The following FHAD1 variants were observed in gnomAD, a reference collection of about 807,000 sequenced individuals.
FHAD1 encodes forkhead associated phosphopeptide binding domain 1, also known as forkhead-associated domain-containing protein 1.
In FHAD1, 146 loss-of-function variants were observed where a neutral mutation model predicts 191.3. The ratio of observed to expected loss-of-function variants is 0.76; its 90% CI spans 0.67 to 0.88. FHAD1 has a LOEUF of 0.88. Among genes scored for constraint, FHAD1 ranks in the 40% least tolerant of loss-of-function variants. The pLI, the probability that FHAD1 is intolerant of heterozygous loss-of-function variation, is 0.00. For missense variants in FHAD1, 1,635 were observed against 1,785.8 expected (o/e 0.92, Z 1.52); for synonymous variants, 616 against 672.3 (o/e 0.92, Z 1.29).
intron 3 of FHAD1, chr1:15,286,989 T>C (rs909699708): frequency 6.6e-6 from 1 of 152,290 alleles, no homozygotes; most frequent in Non-Finnish European, 1.5e-5. Flanking sequence ...CCCGCTGTCA[T>C]CTTCAGCCCA....
chr1:15,323,625 C>G (rs752554435), intron 10 of FHAD1, among the ~76,000 whole-genome samples: 1 of 152,166 alleles, frequency 6.6e-6, no homozygotes, highest in Non-Finnish European at 1.5e-5. Context: ...GAGTTTGTCT[C>G]ATTTCCTGCA....
intron 31 of FHAD1, among the ~76,000 whole-genome samples, chr1:15,386,755 G>C (rs1470490485): frequency 6.6e-6 from 1 of 152,104 alleles, no homozygotes; most frequent in Non-Finnish European, 1.5e-5. Flanking sequence ...TAACCCACAG[G>C]AGTCAATCCC....
At chr1:15,371,698 C>T (rs765817050) in intron 26 of FHAD1, among the ~76,000 whole-genome samples, 8 of 152,138 alleles carry the variant, frequency 5.3e-5, no homozygotes, top group East Asian at 1.9e-4. Flanking sequence ...TGTTTACTGC[C>T]GGGGCAAACA....
intron 18 of FHAD1, 84 bp downstream of exon 18, chr1:15,345,607 G>A: frequency 9.1e-7 from 1 of 1,099,798 alleles, no homozygotes; most frequent in East Asian, 2.6e-5. Flanking sequence ...GATGATGGGG[G>A]TGAGATCGTG....
intron 3 of FHAD1, among the ~76,000 whole-genome samples, chr1:15,275,450 G>T (rs980705123): frequency 5.3e-5 from 8 of 152,170 alleles, no homozygotes; most frequent in African/African-American, 1.7e-4. Flanking sequence ...CTCTGTCCCT[G>T]CCAGGTTTTC....
intron 31 of FHAD1, chr1:15,383,798 A>G (rs1209441380): frequency 5.0e-6 from 2 of 398,302 alleles, no homozygotes; most frequent in Non-Finnish European, 1.0e-5. Context: ...GATGATCCCT[A>G]TTTTACAGAT....
At chr1:15,274,998 T>A (rs1657709429) in intron 3 of FHAD1, among the ~76,000 whole-genome samples, 1 of 152,178 alleles carries the variant, frequency 6.6e-6, no homozygotes. Flanking sequence ...AGTCTCACTC[T>A]GTCGCCCAGG....
intron 19 of FHAD1, among the ~76,000 whole-genome samples, chr1:15,349,619 C>T (rs1690122985): frequency 6.6e-6 from 1 of 152,242 alleles, no homozygotes; most frequent in Non-Finnish European, 1.5e-5. Flanking sequence ...GTGTCATGGA[C>T]TCCGGAGCAG....
chr1:15,351,782 C>T (rs952447613), intron 19 of FHAD1, among the ~76,000 whole-genome samples: 6 of 149,532 alleles, frequency 4.0e-5, no homozygotes, highest in African/African-American at 1.5e-4. Flanking sequence ...TAAGCAAAGA[C>T]TCAACAGTGA....
At chr1:15,384,948 G>A (rs764803278) in intron 31 of FHAD1, among the ~76,000 whole-genome samples, 26 of 152,034 alleles carry the variant, frequency 1.7e-4, no homozygotes, top group Non-Finnish European at 3.4e-4. Context: ...GGACCTCAGC[G>A]ACCTCCGATC....
At chr1:15,265,700 G>A (rs185571223) in intron 2 of FHAD1, among the ~76,000 whole-genome samples, 12 of 152,132 alleles carry the variant, frequency 7.9e-5, no homozygotes, top group Admixed American at 6.5e-4. Context: ...GGCTGGGTGC[G>A]GTGGCTCACA....
At chr1:15,282,615 A>G (rs1356613698) in intron 3 of FHAD1, among the ~76,000 whole-genome samples, 1 of 152,244 alleles carries the variant, frequency 6.6e-6, no homozygotes, top group Admixed American at 6.5e-5. Context: ...CTTTGCTATC[A>G]TAGTTTATGA....
At chr1:15,362,332 G>A (rs1695072102) in intron 22 of FHAD1, among the ~76,000 whole-genome samples, 4 of 152,230 alleles carry the variant, frequency 2.6e-5, no homozygotes, top group African/African-American at 7.2e-5. Flanking sequence ...GGTGGGACCA[G>A]GGGCTGAGAC....
At chr1:15,349,977 T>C (rs1690254116) in intron 19 of FHAD1, among the ~76,000 whole-genome samples, 1 of 152,094 alleles carries the variant, frequency 6.6e-6, no homozygotes, top group Non-Finnish European at 1.5e-5. Flanking sequence ...AGGAGGTCAC[T>C]CAGGGACCCA....
chr1:15,262,560 A>G (rs549102216), intron 2 of FHAD1, among the ~76,000 whole-genome samples: 1 of 152,282 alleles, frequency 6.6e-6, no homozygotes, highest in South Asian at 2.1e-4. Flanking sequence ...TGTGAGCCAC[A>G]ACATGTATTT....
chr1:15,322,903 C>G (rs1406014994), intron 10 of FHAD1, among the ~76,000 whole-genome samples: 1 of 152,180 alleles, frequency 6.6e-6, no homozygotes, highest in Non-Finnish European at 1.5e-5. Context: ...TTTAATTGGA[C>G]TTACAGTTCC....
At chr1:15,336,479 CCT>C (rs960591456) in intron 14 of FHAD1, among the ~76,000 whole-genome samples, 2 of 151,990 alleles carry the variant, frequency 1.3e-5, no homozygotes, top group African/African-American at 2.4e-5. Context: ...CGTACCCTGC[CCT>C]GTCTCCCCTT....
At chr1:15,274,760 C>A (rs115956134) in intron 3 of FHAD1, among the ~76,000 whole-genome samples, 93 of 152,292 alleles carry the variant, frequency 6.1e-4, no homozygotes, top group African/African-American at 2.2e-3. Context: ...AATGCAACAG[C>A]CTAGGGCATG....
intron 24 of FHAD1, 97 bp downstream of exon 24, chr1:15,366,030 A>G (rs1570301201): frequency 1.2e-6 from 1 of 813,736 alleles, no homozygotes. Context: ...GCGCACGCCT[A>G]TAATCCCAGC....
Sources: allele counts gnomAD v4.1 joint callset (sites outside exome capture counted in the v4.1 genomes callset), GRCh38; gene constraint gnomAD v4.1.1; transcripts MANE v1.5; gene names NCBI Gene and HGNC (gene_info 2026-07-23, HGNC 2026-07-21).